SCP2: variants seen among roughly 807,000 people sequenced by gnomAD.
SCP2 encodes the protein sterol carrier protein 2.
In SCP2, 48 loss-of-function variants were observed where a neutral mutation model predicts 71.4. The ratio of observed to expected loss-of-function variants is 0.67; its 90% CI spans 0.53 to 0.86. SCP2 has a LOEUF of 0.86. SCP2 is among the 40% of genes least tolerant of loss of function. The probability of loss-of-function intolerance (pLI) is 0.00; values close to 1 mark genes in which losing one functional copy is unlikely to be tolerated. For missense variants in SCP2, 560 were observed against 655.6 expected (o/e 0.85, Z 1.59); for synonymous variants, 220 against 218.1 (o/e 1.01, Z -0.08).
At chr1:53,042,316 A>G (rs1449555506) in intron 14 of SCP2, among the ~76,000 whole-genome samples, 1 of 151,426 alleles carries the variant, frequency 6.6e-6, no homozygotes, top group Non-Finnish European at 1.5e-5. Flanking sequence ...ATATTTAGAT[A>G]TGCCCATACT....
In SCP2 at chr1:53,050,839, G is replaced by T. The variant is rs915619886; in HGVS notation, c.*135G>T. 1.4e-6 allele frequency: 1 copy of T among 689,962 alleles called. No individual in the cohort carries two copies. The highest frequency in any genetic ancestry group is 1.6e-5 in the South Asian group (1 of 62,710). The allele number at this position is 689,962 out of a possible 1,614,324, so 42.7% of individuals were successfully genotyped here. A position where few individuals can be genotyped will look rare whatever the true frequency, so the allele number is the denominator to read the frequency against. ...GATAGATTTGTTTCTTAATGGGTGT[G>T]ACCAATCCTGTTTTTCCTATGCTCT... is the stretch of plus-strand genomic sequence containing the variant. On this transcript the variant is annotated 3_prime_UTR_variant, in exon 16 of 16. Coordinates refer to ENST00000371514, the MANE Select transcript of SCP2 (RefSeq NM_002979.5).
chr1:53,028,126 C>G, intron 13 of SCP2, 55 bp downstream of exon 13: 1 of 996,386 alleles, frequency 1.0e-6, no homozygotes. Flanking sequence ...AGGAAGCAGA[C>G]ACAGGTTTCA....
At chr1:52,986,753 A>G (rs1659013407) in intron 10 of SCP2, among the ~76,000 whole-genome samples, 1 of 151,876 alleles carries the variant, frequency 6.6e-6, no homozygotes, top group African/African-American at 2.4e-5. Context: ...AATAGTCATC[A>G]CTCAGTATCT....
chr1:53,038,421 T>C (rs989647497), intron 13 of SCP2, among the ~76,000 whole-genome samples: 1 of 152,098 alleles, frequency 6.6e-6, no homozygotes, highest in South Asian at 2.1e-4. Context: ...TTGTTCTTTT[T>C]TGAGACAAGG....
At position 52,950,883 on chromosome 1, in the gene SCP2, G is replaced by A. The variant is rs1479797545; in HGVS notation, c.328G>A (p.Gly110Ser). The A allele has an allele frequency of 2.5e-6, 4 of 1,613,886 alleles. No homozygotes were observed. Among genetic ancestry groups the A allele is most frequent in the Non-Finnish European group, 3.4e-6 (4 of 1,179,874 alleles). ...ALFMARQLIQ[G>S]GVAECVLALG... Reference sequence around the variant, plus strand: ...GTTTATGGCCCGCCAGCTGATTCAGGGTGGTAAGGAGTGCTTGTCTAGTGT... The same window carrying A: ...GTTTATGGCCCGCCAGCTGATTCAGAGTGGTAAGGAGTGCTTGTCTAGTGT... The change falls in exon 4 of 16, where the codon GGT becomes AGT. Residue 110 changes from glycine (G) to serine (S), a missense_variant. Physicochemically the swap from Gly to Ser is moderately conservative, Grantham distance 56 (BLOSUM62 0). This residue lies in a region of SCP2 where 513 missense variants were observed against 573.1 expected (regional missense o/e 0.90). Coordinates refer to ENST00000371514, the MANE Select transcript of SCP2 (RefSeq NM_002979.5).
intron 11 of SCP2, among the ~76,000 whole-genome samples, chr1:52,990,870 A>T (rs1433203232): frequency 6.6e-6 from 1 of 152,192 alleles, no homozygotes; most frequent in Non-Finnish European, 1.5e-5. Flanking sequence ...CACAAAAGTT[A>T]GATAGATAAA....
chr1:52,939,805 G>A (rs1366731313), intron 1 of SCP2, among the ~76,000 whole-genome samples: 1 of 152,110 alleles, frequency 6.6e-6, no homozygotes, highest in Non-Finnish European at 1.5e-5. Flanking sequence ...GAGTAGCTGG[G>A]ATTATAGGTG....
chr1:53,002,681 G>T (rs776408356), intron 11 of SCP2, among the ~76,000 whole-genome samples: 2 of 152,132 alleles, frequency 1.3e-5, no homozygotes, highest in African/African-American at 2.4e-5. Flanking sequence ...TTCTTTTTCT[G>T]CATTCACATA....
chr1:52,944,343 T>C (rs1654572825), intron 2 of SCP2, among the ~76,000 whole-genome samples: 1 of 152,202 alleles, frequency 6.6e-6, no homozygotes, highest in Non-Finnish European at 1.5e-5. Context: ...TTTTTCTCTT[T>C]CTAACTATTC....
rs1474834901 is a variant in SCP2 at position 52,958,792 on chromosome 1, C to A, written c.397-2711C>A. Among the ~76,000 whole-genome samples, 3 of 152,130 alleles carry A rather than the reference C, an allele frequency of 2.0e-5. No individual in the cohort carries two copies. The East Asian group carries it at 5.8e-4, about 29-fold the overall frequency. On this transcript the variant is annotated intron_variant, in intron 5 of 15. Coordinates refer to ENST00000371514, the MANE Select transcript of SCP2 (RefSeq NM_002979.5). Reference sequence around the variant, plus strand: ...CTGGTTTCAAGCTCCTGGGCTCGAGCAATCCTCCCGCCTGGGCCTCCCAAA... The same window carrying A: ...CTGGTTTCAAGCTCCTGGGCTCGAGAAATCCTCCCGCCTGGGCCTCCCAAA...
rs75272487 is a variant in SCP2, at chr1:53,046,738, C to T, written c.1469-1120C>T. ...TATATATTATCTATGACTGCTTTTG[C>T]ACTACAGGGGCAGAATTGGGTAGTT... On this transcript the variant is annotated intron_variant, in intron 14 of 15. Coordinates refer to ENST00000371514, the MANE Select transcript of SCP2 (RefSeq NM_002979.5). Among the ~76,000 whole-genome samples, 1,063 of 152,266 alleles carry T rather than the reference C, an allele frequency of 7.0e-3. 10 individuals carry two copies. Among genetic ancestry groups the T allele is most frequent in the African/African-American group, 0.024 (1,000 of 41,544 alleles).
At chr1:53,016,121 C>T (rs1661322270) in intron 12 of SCP2, among the ~76,000 whole-genome samples, 1 of 152,092 alleles carries the variant, frequency 6.6e-6, no homozygotes. Context: ...CATGGAGACA[C>T]ACTTCTTTTA....
intron 1 of SCP2, among the ~76,000 whole-genome samples, chr1:52,936,354 T>C (rs1653739707): frequency 6.6e-6 from 1 of 152,194 alleles, no homozygotes; most frequent in African/African-American, 2.4e-5. Context: ...ACTAAGAAGT[T>C]TGAGAATCGC....
intron 12 of SCP2, among the ~76,000 whole-genome samples, chr1:53,022,038 G>T (rs1557614939): frequency 6.6e-6 from 1 of 152,160 alleles, no homozygotes; most frequent in Non-Finnish European, 1.5e-5. Flanking sequence ...ACGTTCAGTG[G>T]TTTTTAGCAT....
At chr1:53,050,368 A>G in intron 15 of SCP2, 2 of 454,838 alleles carry the variant, frequency 4.4e-6, no homozygotes, top group South Asian at 4.2e-5. Flanking sequence ...AACAGGCTCA[A>G]TTTCTATGAG....
intron 1 of SCP2, among the ~76,000 whole-genome samples, chr1:52,937,185 G>T (rs1042350294): frequency 3.9e-5 from 6 of 152,156 alleles, no homozygotes; most frequent in African/African-American, 1.4e-4. Context: ...TTACATTGAT[G>T]AAGAAAGAAA....
rs777997210 is a variant in SCP2 at position 53,014,923 on chromosome 1, T to G, written c.1115T>G (p.Leu372Arg). The change falls in exon 12 of 16, where the codon CTG becomes CGG. Residue 372 changes from leucine (L) to arginine (R), a missense_variant. By Grantham distance (102) the Leu-to-Arg change is moderately radical (BLOSUM62 -2). Coordinates refer to ENST00000371514, the MANE Select transcript of SCP2 (RefSeq NM_002979.5). ...CAGTGTGCAGAACTCTGCTGGCAGC[T>G]GAGAGGGGAAGCCGGAAAGAGGCAA... ...LAQCAELCWQ[L>R]RGEAGKRQVP... The G allele has an allele frequency of 7.4e-6, 12 of 1,613,632 alleles. No homozygotes were observed. The East Asian group carries it at 2.2e-4, about 30-fold the overall frequency.
At chr1:53,033,703 C>A (rs529524879) in intron 13 of SCP2, among the ~76,000 whole-genome samples, 5 of 150,772 alleles carry the variant, frequency 3.3e-5, no homozygotes, top group Admixed American at 6.6e-5. Flanking sequence ...AAATTGGAAA[C>A]CCTCATTAAT....
chr1:53,050,772 G>T lies in SCP2; in HGVS notation c.*68G>T. The T allele has an allele frequency of 8.9e-7, 1 of 1,122,988 alleles. No individual in the cohort carries two copies. Among genetic ancestry groups the T allele is most frequent in the Non-Finnish European group, 1.4e-6 (1 of 738,836 alleles). The allele number at this position is 1,122,988 out of a possible 1,614,324, so 69.6% of individuals were successfully genotyped here. A position where few individuals can be genotyped will look rare whatever the true frequency, so the allele number is the denominator to read the frequency against. On this transcript the variant is annotated 3_prime_UTR_variant, in exon 16 of 16. Transcript: ENST00000371514. ...TAGATATATATCCATACATTTTATT[G>T]TCAGAATTTAGACTGAAACTACACA...
Sources: gnomAD v4.1 joint callset for allele counts (sites outside exome capture counted in the v4.1 genomes callset) on GRCh38, gnomAD v4.1.1 for gene constraint, gnomAD v4.1.1 regional missense constraint, MANE v1.5 for transcripts, NCBI Gene and HGNC (gene_info 2026-07-23, HGNC 2026-07-21) for gene names.